Variants in MYO16 observed in about 807,000 individuals in gnomAD.
The protein encoded by MYO16 is unconventional myosin-XVI.
A neutral mutation model predicts 205.3 loss-of-function variants in MYO16; 94 were observed. The observed-to-expected ratio is 0.46, with a 90% CI of 0.39 to 0.54. MYO16 has a LOEUF of 0.54. Ranked by LOEUF, MYO16 falls within the 20% of genes least tolerant of loss-of-function variation. MYO16 has a pLI of 0.00. For synonymous variants in MYO16, 988 were observed against 954.0 expected, an observed-to-expected ratio of 1.04 and a Z score of -0.66; for missense variants, 2,315 against 2,387.5, an observed-to-expected ratio of 0.97 and a Z score of 0.63.
At chr13:108,648,374 T>G (rs1418878330) in intron 1 of MYO16, among the ~76,000 whole-genome samples, 1 of 152,174 alleles carries the variant, frequency 6.6e-6, no homozygotes, top group Non-Finnish European at 1.5e-5. Flanking sequence ...GGCTATGTCT[T>G]CATGACCAGG....
chr13:108,943,724 T>C (rs2139321579), intron 16 of MYO16, among the ~76,000 whole-genome samples: 1 of 152,212 alleles, frequency 6.6e-6, no homozygotes, highest in Admixed American at 6.5e-5. Context: ...GTGCTGGGAT[T>C]ATAGGTGTGA....
At chr13:108,755,477 A>T (rs1885392161) in intron 4 of MYO16, among the ~76,000 whole-genome samples, 1 of 151,514 alleles carries the variant, frequency 6.6e-6, no homozygotes, top group Non-Finnish European at 1.5e-5. Flanking sequence ...AAAACACATC[A>T]TTTTATCTTA....
chr13:108,667,320 G>GTT lies in MYO16; in HGVS notation c.292+1186_292+1187dup, dbSNP rs770988720. ...GTAATATTCTGAGAATTTCTGTTTT[G>GTT]TTTTTTTTTTTTTTTTGTCTTAAAC... On this transcript the variant is annotated intron_variant, in intron 2 of 34. Coordinates refer to ENST00000457511, the MANE Select transcript of MYO16 (RefSeq NM_001198950.3). 2.7e-3 allele frequency among the ~76,000 whole-genome samples: 343 copies of GTT among 128,530 alleles called. 3 individuals carry two copies. Among genetic ancestry groups the GTT allele is most frequent in the African/African-American group, 8.3e-3 (289 of 34,832 alleles). 84.3% of individuals were successfully genotyped at this position (128,530 alleles called of 152,430 possible).
chr13:108,782,012 A>G (rs893458082), intron 4 of MYO16, among the ~76,000 whole-genome samples: 1 of 152,160 alleles, frequency 6.6e-6, no homozygotes, highest in Non-Finnish European at 1.5e-5. Context: ...AAACGAACTG[A>G]TACAGTAAAT....
intron 2 of MYO16, among the ~76,000 whole-genome samples, chr13:108,672,335 A>T (rs187942800): frequency 3.3e-5 from 5 of 152,344 alleles, no homozygotes; most frequent in Admixed American, 2.6e-4. Flanking sequence ...TGCCATAAGA[A>T]AAAAGTTTCC....
chr13:108,844,316 T>C (rs1361852805), intron 9 of MYO16, 27 bp from the exon 10 acceptor site: 3 of 1,590,656 alleles, frequency 1.9e-6, no homozygotes, highest in East Asian at 2.2e-5. Flanking sequence ...AAGAGACTAA[T>C]TGTAGTATTG....
At chr13:108,574,041 T>C in the MYO16 span, among the ~76,000 whole-genome samples, 1 of 152,176 alleles carries the variant, frequency 6.6e-6, no homozygotes, top group South Asian at 2.1e-4. Context: ...TTTGTAAAGA[T>C]GGGGTCTCCC....
intron 28 of MYO16, among the ~76,000 whole-genome samples, chr13:109,109,752 T>A (rs1889228086): frequency 6.6e-6 from 1 of 151,522 alleles, no homozygotes; most frequent in Non-Finnish European, 1.5e-5. Context: ...GAGCTCTAGA[T>A]GATGGAAAAG....
At chr13:108,564,720 T>C in the MYO16 span, among the ~76,000 whole-genome samples, 2 of 152,292 alleles carry the variant, frequency 1.3e-5, no homozygotes, top group Non-Finnish European at 2.9e-5. Flanking sequence ...TCAAGAAATT[T>C]TTGCCCAGAA....
rs557759221 is a variant in MYO16, at chr13:108,974,428, C to T, written c.2369+9526C>T. 2.0e-5 allele frequency among the ~76,000 whole-genome samples: 3 copies of T among 152,144 alleles called. No individual in the cohort carries two copies. The South Asian group carries it at 6.2e-4, about 32-fold the overall frequency. ...GCACACACACATAAATACAGTTTTC[C>T]ATATAACTTCTGGGGATTCATTGTT... is the stretch of plus-strand genomic sequence containing the variant. On this transcript the variant is annotated intron_variant, in intron 20 of 34. Coordinates refer to ENST00000457511, the MANE Select transcript of MYO16 (RefSeq NM_001198950.3).
chr13:109,092,648 T>C (rs920293870), intron 27 of MYO16, among the ~76,000 whole-genome samples: 5 of 152,150 alleles, frequency 3.3e-5, no homozygotes, highest in African/African-American at 9.7e-5. Flanking sequence ...GGTGATGAAA[T>C]AATAGGTACA....
chr13:108,886,386 G>C, intron 13 of MYO16: 1 of 455,952 alleles, frequency 2.2e-6, no homozygotes, highest in Non-Finnish European at 4.4e-6. Context: ...GTTGATGCAG[G>C]ATTTTGCTCC....
At chr13:108,580,981 G>C in the MYO16 span, among the ~76,000 whole-genome samples, 1 of 152,158 alleles carries the variant, frequency 6.6e-6, no homozygotes, top group African/African-American at 2.4e-5. Flanking sequence ...CAGCAAGCAT[G>C]TTTCTTTCTA....
intron 1 of MYO16, among the ~76,000 whole-genome samples, chr13:108,621,328 C>T (rs1274513353): frequency 1.3e-5 from 2 of 152,110 alleles, no homozygotes; most frequent in Non-Finnish European, 2.9e-5. Flanking sequence ...TGGTAGTCCC[C>T]CCACTTATTT....
intron 17 of MYO16, among the ~76,000 whole-genome samples, chr13:108,959,167 C>T (rs887363296): frequency 4.4e-4 from 67 of 152,246 alleles, no homozygotes; most frequent in Non-Finnish European, 4.1e-4. Context: ...CTCGAGGAGC[C>T]TGCAATCACA....
intron 34 of MYO16, among the ~76,000 whole-genome samples, chr13:109,205,737 T>G (rs1880573222): frequency 6.6e-6 from 1 of 152,096 alleles, no homozygotes; most frequent in Non-Finnish European, 1.5e-5. Flanking sequence ...AGTCAGGGGG[T>G]AAGCTTGGTC....
chr13:108,867,986 C>T (rs1341519117), intron 12 of MYO16, among the ~76,000 whole-genome samples: 3 of 152,130 alleles, frequency 2.0e-5, no homozygotes, highest in Non-Finnish European at 4.4e-5. Context: ...TTGTGTGTAG[C>T]AATACAATAA....
chr13:109,059,305 T>C (rs1887510618), intron 27 of MYO16, among the ~76,000 whole-genome samples: 1 of 152,184 alleles, frequency 6.6e-6, no homozygotes, highest in Admixed American at 6.6e-5. Flanking sequence ...ACCTATATCC[T>C]TAGAGAATCT....
At chr13:108,939,056 G>A (rs1210966260) in intron 16 of MYO16, among the ~76,000 whole-genome samples, 4 of 152,228 alleles carry the variant, frequency 2.6e-5, no homozygotes, top group African/African-American at 7.2e-5. Flanking sequence ...TGGCTGTGGA[G>A]GCCTTTACCC....
Sources: allele counts gnomAD v4.1 joint callset (sites outside exome capture counted in the v4.1 genomes callset), GRCh38; gene constraint gnomAD v4.1.1; transcripts MANE v1.5; gene names NCBI Gene and HGNC (gene_info 2026-07-23, HGNC 2026-07-21).